Variants in MED15 observed in about 807,000 individuals in gnomAD.
The protein encoded by MED15 is mediator of RNA polymerase II transcription subunit 15.
Under a neutral mutation model 118.7 loss-of-function variants are expected in MED15, and 41 were observed. The observed-to-expected ratio is 0.35, with a 90% CI of 0.27 to 0.45. The LOEUF (loss-of-function observed/expected upper bound fraction) is 0.45, where lower values mean the gene tolerates loss of function less well. Among genes scored for constraint, MED15 ranks in the 20% least tolerant of loss-of-function variants. The pLI is 1.00. For missense variants in MED15, 740 were observed against 1,025.5 expected (o/e 0.72, Z 3.80); for synonymous variants, 436 against 413.9 (o/e 1.05, Z -0.65).
At chr22:20,553,072 G>T in intron 3 of MED15, 73 bp from the exon 4 acceptor site, 1 of 1,440,532 alleles carries the variant, frequency 6.9e-7, no homozygotes, top group South Asian at 1.2e-5. Flanking sequence ...CTACAGAACT[G>T]ACCTACCCAT....
intron 6 of MED15, 101 bp downstream of exon 6, chr22:20,564,789 G>A: frequency 6.4e-7 from 1 of 1,560,512 alleles, no homozygotes; most frequent in Non-Finnish European, 8.7e-7. Flanking sequence ...AGCCAGCCGA[G>A]GGTTCTCTTG....
In MED15 at chr22:20,568,478, G is replaced by A. The variant is rs762376341; in HGVS notation, c.1042-43G>A. The A allele has an allele frequency of 1.9e-6, 3 of 1,601,880 alleles. No homozygotes were observed. In the East Asian group the frequency reaches 6.8e-5, roughly 36 times the overall value. ...ACAGGAAGACTAGGCTCTGCTCTCT[G>A]ACCCAGGTGGTTCCAAATCACATTC... is the stretch of plus-strand genomic sequence containing the variant. On this transcript the variant is annotated intron_variant, in intron 7 of 17. Transcript: ENST00000263205.
At chr22:20,568,474 C>A in intron 7 of MED15, 47 bp from the exon 8 acceptor site, 2 of 1,598,500 alleles carry the variant, frequency 1.3e-6, no homozygotes, top group South Asian at 2.3e-5. Context: ...AGGCTCTGCT[C>A]TCTGACCCAG....
intron 8 of MED15, among the ~76,000 whole-genome samples, chr22:20,573,515 G>T (rs165666): frequency 6.6e-6 from 1 of 151,932 alleles, no homozygotes; most frequent in Non-Finnish European, 1.5e-5. Flanking sequence ...CAGACCTGGG[G>T]GTGGGGGAGA....
At chr22:20,576,957 C>T (rs1283713922) in intron 9 of MED15, among the ~76,000 whole-genome samples, 2 of 152,216 alleles carry the variant, frequency 1.3e-5, no homozygotes, top group South Asian at 2.1e-4. Context: ...ACTTTAGTAG[C>T]AGCATGTAGG....
At chr22:20,521,060 A>G (rs1420888135) in intron 1 of MED15, among the ~76,000 whole-genome samples, 1 of 122,250 alleles carries the variant, frequency 8.2e-6, no homozygotes, top group African/African-American at 3.1e-5. Flanking sequence ...ATTTATCCTC[A>G]TTTATCCTCA....
intron 1 of MED15, among the ~76,000 whole-genome samples, chr22:20,531,389 A>C (rs2054857532): frequency 6.6e-6 from 1 of 152,236 alleles, no homozygotes. Context: ...CGTCCTGGCC[A>C]CAGCCTCTCA....
chr22:20,538,979 G>C (rs1194078422), intron 2 of MED15, among the ~76,000 whole-genome samples: 5 of 151,522 alleles, frequency 3.3e-5, no homozygotes, highest in Non-Finnish European at 7.4e-5. Context: ...GGGATTACAG[G>C]CATGAGCCAC....
chr22:20,560,396 C>G (rs2056187043), intron 5 of MED15, among the ~76,000 whole-genome samples: 2 of 152,130 alleles, frequency 1.3e-5, no homozygotes, highest in Admixed American at 1.3e-4. Flanking sequence ...TCCCAAGTAG[C>G]TGGGACTACA....
chr22:20,531,095 A>G (rs957200922), intron 1 of MED15, among the ~76,000 whole-genome samples: 2 of 152,122 alleles, frequency 1.3e-5, no homozygotes, highest in African/African-American at 2.4e-5. Context: ...GCGCTGCCAG[A>G]TGGGTTGAGG....
intron 2 of MED15, among the ~76,000 whole-genome samples, chr22:20,539,198 A>G (rs2055195272): frequency 6.6e-6 from 1 of 152,144 alleles, no homozygotes; most frequent in South Asian, 2.1e-4. Flanking sequence ...CACTGGGTTC[A>G]AGCAAGTCTC....
intron 9 of MED15, among the ~76,000 whole-genome samples, chr22:20,575,721 A>AT (rs11365089): frequency 1.3e-5 from 2 of 151,198 alleles, no homozygotes; most frequent in African/African-American, 2.4e-5. Flanking sequence ...AATTATATAC[A>AT]TTTTTTAATG....
At chr22:20,577,989 C>T (rs2056871479) in intron 9 of MED15, among the ~76,000 whole-genome samples, 1 of 152,044 alleles carries the variant, frequency 6.6e-6, no homozygotes. Flanking sequence ...CAATGGCGCA[C>T]TCCTGGCTCA....
chr22:20,529,153 G>T (rs554866334), intron 1 of MED15, among the ~76,000 whole-genome samples: 8 of 152,100 alleles, frequency 5.3e-5, no homozygotes, highest in Admixed American at 2.0e-4. Context: ...ATTCTTCCTG[G>T]TTTTTTTTTC....
chr22:20,518,804 C>T, intron 1 of MED15: 1 of 445,144 alleles, frequency 2.2e-6, no homozygotes, highest in Non-Finnish European at 4.5e-6. Flanking sequence ...TCATTTTGAA[C>T]TTTTTTCCCT....
intron 5 of MED15, among the ~76,000 whole-genome samples, chr22:20,561,694 A>G (rs2056247994): frequency 6.6e-6 from 1 of 152,204 alleles, no homozygotes; most frequent in African/African-American, 2.4e-5. Context: ...CACCTACAAT[A>G]AAACATGCGG....
intron 14 of MED15, 109 bp from the exon 15 acceptor site, chr22:20,584,746 G>C: frequency 7.4e-7 from 1 of 1,356,116 alleles, no homozygotes; most frequent in South Asian, 1.3e-5. Flanking sequence ...GGCTGTGAGA[G>C]AGGCCTCGGG....
intron 9 of MED15, among the ~76,000 whole-genome samples, chr22:20,575,930 G>C (rs1020738896): frequency 6.6e-6 from 1 of 152,178 alleles, no homozygotes; most frequent in African/African-American, 2.4e-5. Flanking sequence ...GGCCAAAGTG[G>C]TATTGGGCCA....
At chr22:20,523,795 AT>A (rs1351073093) in intron 1 of MED15, 6 of 985,320 alleles carry the variant, frequency 6.1e-6, no homozygotes, top group Non-Finnish European at 7.2e-6. Flanking sequence ...AAGCTCGTGT[AT>A]TCTTCTGAAC....
Sources: allele counts gnomAD v4.1 joint callset (sites outside exome capture counted in the v4.1 genomes callset), GRCh38; gene constraint gnomAD v4.1.1; transcripts MANE v1.5; gene names NCBI Gene and HGNC (gene_info 2026-07-23, HGNC 2026-07-21).